The following ACTR8 variants were observed in gnomAD, a reference collection of about 807,000 sequenced individuals.
ACTR8 encodes the protein actin-related protein 8.
Under a neutral mutation model 84.3 loss-of-function variants are expected in ACTR8, and 70 were observed. The ratio of observed to expected loss-of-function variants is 0.83; its 90% CI spans 0.68 to 1.01. ACTR8 has a LOEUF of 1.01. Ranked by LOEUF, ACTR8 falls within the 50% of genes least tolerant of loss-of-function variation. ACTR8 has a pLI of 0.00. For missense variants in ACTR8, 672 were observed against 775.4 expected (o/e 0.87, Z 1.58); for synonymous variants, 268 against 275.2 (o/e 0.97, Z 0.26).
At chr3:53,876,435 C>T (rs934675256) in intron 6 of ACTR8, among the ~76,000 whole-genome samples, 185 bp downstream of exon 6, 4 of 152,040 alleles carry the variant, frequency 2.6e-5, no homozygotes, top group South Asian at 2.1e-4. Flanking sequence ...AGGAGAGTGG[C>T]GTGAACCCGG....
At chr3:53,876,825 C>G in intron 5 of ACTR8, 112 bp from the exon 6 acceptor site, 1 of 581,378 alleles carries the variant, frequency 1.7e-6, no homozygotes, top group Non-Finnish European at 3.0e-6. Context: ...CGGTTACACA[C>G]CCAGATTAAA....
rs779325108 is a variant in ACTR8, at chr3:53,871,350, G to A, written c.1449C>T (p.Ala483=). 5.6e-6 allele frequency: 9 copies of A among 1,614,194 alleles called. No individual in the cohort carries two copies. Among genetic ancestry groups the A allele is most frequent in the East Asian group, 4.5e-5 (2 of 44,878 alleles). ...LGSAQGDGLM[A]GNDSEEALTA... ...TGAGGGCCTCCTCGGAATCGTTGCC[G>A]GCCATCAGGCCATCTCCCTGTGCAG... The change falls in exon 11 of 13, where the codon GCC becomes GCT. Residue 483 remains alanine, a synonymous_variant. Coordinates refer to ENST00000335754, the MANE Select transcript of ACTR8 (RefSeq NM_022899.5).
intron 2 of ACTR8, among the ~76,000 whole-genome samples, chr3:53,879,418 A>G (rs1700026389): frequency 6.6e-6 from 1 of 152,230 alleles, no homozygotes; most frequent in Admixed American, 6.5e-5. Context: ...TTTATCATTG[A>G]TCACAAAGAA....
the ACTR8 span, chr3:53,860,821 G>C: frequency 6.6e-6 from 1 of 151,926 alleles, no homozygotes; most frequent in Admixed American, 6.6e-5. Flanking sequence ...ACAGATACTA[G>C]TCTACTTTAT....
At chr3:53,872,361 C>T in intron 10 of ACTR8, 23 bp downstream of exon 10, 3 of 1,545,266 alleles carry the variant, frequency 1.9e-6, no homozygotes, top group Non-Finnish European at 8.7e-7. Context: ...ACTCTCTCTT[C>T]TCCTACCAGA....
rs1553706325 is a variant in ACTR8 at position 53,872,536 on chromosome 3, G to A, written c.1162-12C>T. The A allele has an allele frequency of 3.8e-6, 6 of 1,567,444 alleles. No homozygotes were observed. The East Asian group carries it at 1.4e-4, about 36-fold the overall frequency. ...AAAGCCATTGGAGCCTGTACATGAA[G>A]AAAAAGAGTGATCAACAAAAGATAC... On this transcript the variant is annotated splice_polypyrimidine_tract_variant and intron_variant, in intron 9 of 12. Transcript: ENST00000335754.
At chr3:53,859,711 AG>A in the ACTR8 span, 1 of 155,262 alleles carries the variant, frequency 6.4e-6, no homozygotes, top group Non-Finnish European at 1.4e-5. Flanking sequence ...AAGAAGCCAA[AG>A]AGATTTTAGG....
downstream of ACTR8, among the ~76,000 whole-genome samples, chr3:53,863,314 CTA>C (rs35343330): frequency 0.037 from 5,695 of 152,258 alleles, 146 homozygotes; most frequent in South Asian, 0.07. Context: ...GCTGTACTCT[CTA>C]AGGGCTTTGC....
chr3:53,861,516 T>G, the ACTR8 span: 2 of 152,190 alleles, frequency 1.3e-5, no homozygotes, highest in African/African-American at 4.8e-5. Flanking sequence ...GTATTGAAAA[T>G]GTAGCTTTTA....
chr3:53,864,022 C>T (rs1308730594), downstream of ACTR8, among the ~76,000 whole-genome samples: 14 of 151,970 alleles, frequency 9.2e-5, no homozygotes, highest in Admixed American at 7.9e-4. Flanking sequence ...GGGGTTTCGC[C>T]ATGTTGCCCT....
chr3:53,869,211 G>A (rs1699846430), intron 12 of ACTR8, among the ~76,000 whole-genome samples: 1 of 152,224 alleles, frequency 6.6e-6, no homozygotes, highest in South Asian at 2.1e-4. Flanking sequence ...AACCCGGGAG[G>A]CAGAGGTTGC....
chr3:53,877,518 G>A (rs1341714730), intron 4 of ACTR8, 129 bp downstream of exon 4: 1 of 1,288,704 alleles, frequency 7.8e-7, no homozygotes, highest in South Asian at 1.5e-5. Flanking sequence ...GAGTCGGTGT[G>A]ACTATCTGGT....
Position 53,876,619 on chromosome 3 carries a change from C to A in ACTR8, c.778+1G>T. On this transcript the variant is annotated splice_donor_variant, in intron 6 of 12. Coordinates refer to ENST00000335754, the MANE Select transcript of ACTR8 (RefSeq NM_022899.5). LOFTEE classifies it high-confidence loss of function. ...AGGTTTCACTGGGATATCAGACATA[C>A]CTGAAAAACCCATCTTCATTAGTAT... 4 of 1,545,940 alleles carry A rather than the reference C, an allele frequency of 2.6e-6. No individual in the cohort carries two copies. The highest frequency in any genetic ancestry group is 3.5e-6 in the Non-Finnish European group (4 of 1,128,500).
chr3:53,877,105 G>T, intron 5 of ACTR8, 109 bp downstream of exon 5: 1 of 1,100,510 alleles, frequency 9.1e-7, no homozygotes, highest in Non-Finnish European at 1.3e-6. Flanking sequence ...CACCCTGAAG[G>T]TCAAGAATGT....
At chr3:53,860,258 T>A in the ACTR8 span, 1 of 1,536,382 alleles carries the variant, frequency 6.5e-7, no homozygotes. Flanking sequence ...AAAGACATCC[T>A]AGTAAGGAAA....
At chr3:53,860,086 T>C in the ACTR8 span, 7 of 1,251,892 alleles carry the variant, frequency 5.6e-6, no homozygotes, top group Non-Finnish European at 7.0e-6. Flanking sequence ...AAGAGATAAG[T>C]GTGGATTTGT....
chr3:53,881,891 C>A, intron 1 of ACTR8, 88 bp downstream of exon 1: 1 of 1,537,540 alleles, frequency 6.5e-7, no homozygotes, highest in Non-Finnish European at 8.8e-7. Flanking sequence ...GCAAGGGGGA[C>A]TCGAAGCCTC....
rs769465138 is a variant in ACTR8 at position 53,871,300 on chromosome 3, G to T, written c.1499C>A (p.Ala500Asp). 6.2e-7 allele frequency: 1 copy of T among 1,614,122 alleles called. No homozygotes were observed. The highest frequency in any genetic ancestry group is 8.5e-7 in the Non-Finnish European group (1 of 1,180,052). ...GGCTTTTCCTTCAAACAGCGAGATG[G>T]CAGTCTTCCTGGACATCAGTGCAGT... ...ALTALMSRKT[A>D]ISLFEGKALG... The change falls in exon 11 of 13, where the codon GCC becomes GAC. Residue 500 changes from alanine to aspartate, a missense_variant. Coordinates refer to ENST00000335754, the MANE Select transcript of ACTR8 (RefSeq NM_022899.5).
downstream of ACTR8, chr3:53,864,687 CAG>C: frequency 7.8e-7 from 1 of 1,279,352 alleles, no homozygotes; most frequent in South Asian, 1.4e-5. Flanking sequence ...GGATGGTTTA[CAG>C]AGTGAAAGCC....
Sources: gnomAD v4.1 joint callset for allele counts (sites outside exome capture counted in the v4.1 genomes callset) on GRCh38, gnomAD v4.1.1 for gene constraint, MANE v1.5 for transcripts, NCBI Gene and HGNC (gene_info 2026-07-23, HGNC 2026-07-21) for gene names.